GRM7: variants seen among roughly 807,000 people sequenced by gnomAD.
GRM7 encodes the protein glutamate metabotropic receptor 7.
Under a neutral mutation model 84.5 loss-of-function variants are expected in GRM7, and 35 were observed. The ratio of observed to expected loss-of-function variants is 0.41; its 90% CI spans 0.32 to 0.55. GRM7 has a LOEUF of 0.55. Ranked by LOEUF, GRM7 falls within the 20% of genes least tolerant of loss-of-function variation. The pLI, the probability that GRM7 is intolerant of heterozygous loss-of-function variation, is 0.19. For synonymous variants in GRM7, 487 were observed against 455.1 expected (o/e 1.07, Z -0.89); for missense variants, 1,003 against 1,194.6 (o/e 0.84, Z 2.36).
chr3:7,333,327 G>A (rs978819406), intron 4 of GRM7, among the ~76,000 whole-genome samples: 22 of 152,092 alleles, frequency 1.4e-4, no homozygotes, highest in African/African-American at 4.3e-4. Flanking sequence ...GCAGACATTC[G>A]CCAGCACCAG....
intron 5 of GRM7, among the ~76,000 whole-genome samples, chr3:7,425,519 A>T (rs936885186): frequency 6.6e-6 from 1 of 152,150 alleles, no homozygotes; most frequent in African/African-American, 2.4e-5. Flanking sequence ...GATGGTGGAG[A>T]CTGAAATAGT....
chr3:7,527,857 G>C (rs530126682), intron 7 of GRM7, among the ~76,000 whole-genome samples: 1 of 152,038 alleles, frequency 6.6e-6, no homozygotes, highest in African/African-American at 2.4e-5. Context: ...AAGTAAACTT[G>C]CATGTCAGAA....
At chr3:7,119,933 G>A (rs1423994415) in intron 1 of GRM7, among the ~76,000 whole-genome samples, 1 of 152,006 alleles carries the variant, frequency 6.6e-6, no homozygotes, top group East Asian at 1.9e-4. Context: ...GTCTTGCTTT[G>A]ATTTAATATG....
intron 2 of GRM7, among the ~76,000 whole-genome samples, chr3:7,272,762 G>T (rs1400870725): frequency 1.3e-5 from 2 of 151,668 alleles, no homozygotes; most frequent in African/African-American, 2.4e-5. Context: ...TCAGTTAGAG[G>T]TTAATTAATT....
intron 1 of GRM7, among the ~76,000 whole-genome samples, chr3:7,084,433 T>C (rs1249589710): frequency 6.6e-6 from 1 of 152,072 alleles, no homozygotes; most frequent in East Asian, 1.9e-4. Context: ...ATCAGTAGCT[T>C]GGAAGGGAAT....
At position 7,731,812 on chromosome 3, in the gene GRM7, C is replaced by T. The variant is rs113680399; in HGVS notation, c.2699-8545C>T. On this transcript the variant is annotated intron_variant, in intron 9 of 9. Transcript: ENST00000357716. ...CTGACACTCATGGCTCCCCGTGGAT[C>T]GCCAGCGCCCCCACTCTTGTGGCCC... Among the ~76,000 whole-genome samples the T allele has an allele frequency of 2.6e-5, 4 of 152,242 alleles. 1 individual carries two copies. Among genetic ancestry groups the T allele is most frequent in the African/African-American group, 7.2e-5 (3 of 41,542 alleles).
intron 2 of GRM7, among the ~76,000 whole-genome samples, chr3:7,152,276 C>T (rs1694309996): frequency 6.6e-6 from 1 of 152,104 alleles, no homozygotes; most frequent in African/African-American, 2.4e-5. Context: ...CTTAATTCAC[C>T]TTGATTTATA....
chr3:7,192,449 G>A (rs183542869), intron 2 of GRM7, among the ~76,000 whole-genome samples: 1 of 152,142 alleles, frequency 6.6e-6, no homozygotes, highest in South Asian at 2.1e-4. Flanking sequence ...TCCCCCAGAA[G>A]TTGGTTGACC....
intron 4 of GRM7, among the ~76,000 whole-genome samples, chr3:7,326,344 G>C (rs549975669): frequency 6.6e-6 from 1 of 152,148 alleles, no homozygotes; most frequent in South Asian, 2.1e-4. Flanking sequence ...CGGCAGGTGA[G>C]TTACTTTTAT....
intron 1 of GRM7, among the ~76,000 whole-genome samples, chr3:6,904,274 T>C (rs962834501): frequency 6.6e-6 from 1 of 152,158 alleles, no homozygotes; most frequent in African/African-American, 2.4e-5. Flanking sequence ...TTAAACTAAT[T>C]GAATTTTAGT....
intron 4 of GRM7, among the ~76,000 whole-genome samples, chr3:7,332,881 C>A (rs572883831): frequency 1.3e-5 from 2 of 152,020 alleles, no homozygotes; most frequent in Non-Finnish European, 2.9e-5. Context: ...TTCTACCAGC[C>A]CTGGTAGCTA....
chr3:7,567,574 C>G (rs1042629428), intron 7 of GRM7, among the ~76,000 whole-genome samples: 4 of 151,398 alleles, frequency 2.6e-5, no homozygotes, highest in African/African-American at 9.7e-5. Flanking sequence ...ATGGTGAAAC[C>G]CATCTCTCCT....
intron 8 of GRM7, among the ~76,000 whole-genome samples, chr3:7,654,013 C>A (rs879641501): frequency 6.6e-6 from 1 of 152,148 alleles, no homozygotes; most frequent in Non-Finnish European, 1.5e-5. Context: ...TGCCTTCTCT[C>A]ATTTTTTGCC....
At chr3:7,459,562 T>TG (rs1698155033) in intron 6 of GRM7, among the ~76,000 whole-genome samples, 1 of 152,034 alleles carries the variant, frequency 6.6e-6, no homozygotes, top group South Asian at 2.1e-4. Context: ...CTTTACATGG[T>TG]GGCGGGCAAA....
At chr3:6,896,697 A>G (rs1696194512) in intron 1 of GRM7, among the ~76,000 whole-genome samples, 1 of 152,168 alleles carries the variant, frequency 6.6e-6, no homozygotes, top group African/African-American at 2.4e-5. Flanking sequence ...GGATACAAGA[A>G]TCTTGCTACA....
At chr3:7,533,477 C>T (rs1020429092) in intron 7 of GRM7, among the ~76,000 whole-genome samples, 1 of 152,150 alleles carries the variant, frequency 6.6e-6, no homozygotes, top group East Asian at 1.9e-4. Context: ...GTACCAGAAT[C>T]TCTGGGACAC....
At chr3:7,520,487 A>G (rs938292434) in intron 7 of GRM7, among the ~76,000 whole-genome samples, 30 of 147,874 alleles carry the variant, frequency 2.0e-4, no homozygotes, top group South Asian at 2.2e-4. Flanking sequence ...TCTAAATTCA[A>G]ATGACTCTCT....
intron 1 of GRM7, among the ~76,000 whole-genome samples, chr3:7,080,573 T>C (rs1394384139): frequency 1.3e-5 from 2 of 152,046 alleles, no homozygotes; most frequent in Non-Finnish European, 2.9e-5. Context: ...CTTTCTTATA[T>C]ACTGTATTCT....
intron 1 of GRM7, among the ~76,000 whole-genome samples, chr3:7,103,452 T>A (rs1050418726): frequency 4.6e-5 from 7 of 151,786 alleles, no homozygotes; most frequent in African/African-American, 1.2e-4. Flanking sequence ...ATCACTGGAG[T>A]TCCCCCCACA....
Sources: gnomAD v4.1 joint callset for allele counts (sites outside exome capture counted in the v4.1 genomes callset) on GRCh38, gnomAD v4.1.1 for gene constraint, MANE v1.5 for transcripts, NCBI Gene and HGNC (gene_info 2026-07-23, HGNC 2026-07-21) for gene names.